The following RAP1GAP2 variants were observed in gnomAD, a reference collection of about 807,000 sequenced individuals.
RAP1GAP2 encodes RAP1 GTPase activating protein 2, also known as rap1 GTPase-activating protein 2.
Under a neutral mutation model 95.0 loss-of-function variants are expected in RAP1GAP2, and 27 were observed. That is an observed-to-expected ratio of 0.28 (90% CI 0.21 to 0.39). The LOEUF is 0.39. Ranked by LOEUF, RAP1GAP2 falls within the 10% of genes least tolerant of loss-of-function variation. The probability of loss-of-function intolerance (pLI) is 1.00; values close to 1 mark genes in which losing one functional copy is unlikely to be tolerated. For synonymous variants in RAP1GAP2, 373 were observed against 380.9 expected, an observed-to-expected ratio of 0.98 and a Z score of 0.24; for missense variants, 771 against 970.0, an observed-to-expected ratio of 0.79 and a Z score of 2.72.
At position 3,037,158 on chromosome 17, in the gene RAP1GAP2, C is replaced by T. The variant is rs1184445845; in HGVS notation, c.*3797C>T. 2.0e-5 allele frequency: 3 copies of T among 152,660 alleles called. No homozygotes were observed. Among genetic ancestry groups the T allele is most frequent in the African/African-American group, 7.2e-5 (3 of 41,444 alleles). 9.5% of individuals were successfully genotyped at this position (152,660 alleles called of 1,614,324 possible). On this transcript the variant is annotated 3_prime_UTR_variant, in exon 25 of 25. Coordinates refer to ENST00000254695, the MANE Select transcript of RAP1GAP2 (RefSeq NM_015085.5). ...CCCCAATCCCATGTCTCCCTCCCTT[C>T]AGCTGGACCGTGTGCCCCTTTGGGA...
chr17:2,837,253 G>GAAA lies in RAP1GAP2; in HGVS notation c.80+36718_80+36720dup, dbSNP rs35688344. 2.7e-5 allele frequency among the ~76,000 whole-genome samples: 3 copies of GAAA among 112,750 alleles called. No homozygotes were observed. The South Asian group carries it at 9.2e-4, about 35-fold the overall frequency. The allele number at this position is 112,750 out of a possible 152,430, so 74.0% of individuals were successfully genotyped here. A position where few individuals can be genotyped will look rare whatever the true frequency, so the allele number is the denominator to read the frequency against. On this transcript the variant is annotated intron_variant, in intron 2 of 24. Transcript: ENST00000254695. ...GTGACAGAGCAAGACTCTGTCTCTG[G>GAAA]AAAAAAAAAAAAAAAAAGCATGAAT...
intron 18 of RAP1GAP2, 45 bp downstream of exon 18, chr17:3,018,243 GC>G (rs376847636): frequency 0.026 from 39,764 of 1,521,598 alleles, 567 homozygotes; most frequent in Non-Finnish European, 0.03. Context: ...TCCCAGGGAG[GC>G]CCCCCCCAGA....
chr17:2,829,911 C>T lies in RAP1GAP2; in HGVS notation c.80+29361C>T, dbSNP rs149957466. Among the ~76,000 whole-genome samples the T allele has an allele frequency of 2.0e-5, 3 of 150,476 alleles. No homozygotes were observed. The East Asian group carries it at 5.9e-4, about 29-fold the overall frequency. On this transcript the variant is annotated intron_variant, in intron 2 of 24. Transcript: ENST00000254695. ...AAGAGATCCTTCTGCCTCAGTCTCT[C>T]GAGAGGCTGGGATTACAGTTGTGAG...
At chr17:2,981,365 A>G (rs2045350529) in intron 10 of RAP1GAP2, 117 bp downstream of exon 10, 1 of 932,466 alleles carries the variant, frequency 1.1e-6, no homozygotes, top group African/African-American at 1.7e-5. Flanking sequence ...TCTCCATAAT[A>G]AGCTTCCATG....
intron 1 of RAP1GAP2, among the ~76,000 whole-genome samples, chr17:2,769,232 TAAAAAAAAAAAAAAAAAAAAAAAA>T (rs58436827): frequency 0.05 from 2,131 of 42,916 alleles, 94 homozygotes; most frequent in South Asian, 0.094. Flanking sequence ...ACCATTTCTC[TAAAAAAAAAAAAAAAAAAAAAAAA>T]AAAAAAAAAA....
In RAP1GAP2 at chr17:2,963,610, T is replaced by C. The variant is rs1387976381; in HGVS notation, c.279+148T>C. The C allele has an allele frequency of 1.8e-6, 2 of 1,141,554 alleles. No individual in the cohort carries two copies. Among genetic ancestry groups the C allele is most frequent in the Non-Finnish European group, 2.6e-6 (2 of 776,836 alleles). The allele number at this position is 1,141,554 out of a possible 1,614,324, so 70.7% of individuals were successfully genotyped here. ...TCTTCCTGTCTTTGCCTTTGTAACCTCAGCTTCTCCATGTGTTAAGTTGGG... is the reference window on the plus strand; with the variant it reads ...TCTTCCTGTCTTTGCCTTTGTAACCCCAGCTTCTCCATGTGTTAAGTTGGG... On this transcript the variant is annotated intron_variant, in intron 6 of 24. Transcript: ENST00000254695. This position sits in a 1 kb window ranked among gnomAD's most constrained non-coding sequence, Gnocchi z 4.8.
chr17:2,941,120 G>A (rs2043479634), intron 3 of RAP1GAP2, among the ~76,000 whole-genome samples: 1 of 152,184 alleles, frequency 6.6e-6, no homozygotes, highest in African/African-American at 2.4e-5. Flanking sequence ...AGACCGCGTG[G>A]GCCGGGAACG....
chr17:2,998,263 A>G lies in RAP1GAP2; in HGVS notation c.1087A>G (p.Ile363Val), dbSNP rs746855867. ...CATTGGAAATGACATCGTGGCCATC[A>G]TCTTCCAAGAGGAAAACACGCCGTT... is the stretch of plus-strand genomic sequence containing the variant. ...RHIGNDIVAIIFQEENTPFVP... is the reference protein window; with the variant it reads ...RHIGNDIVAIVFQEENTPFVP... The change falls in exon 14 of 25, where the codon ATC (isoleucine) becomes GTC (valine). Residue 363 changes from isoleucine (I) to valine (V), a missense_variant. Physicochemically the swap from Ile to Val is conservative, Grantham distance 29. Transcript: ENST00000254695. 45 of 1,613,900 alleles carry G rather than the reference A, an allele frequency of 2.8e-5. No individual in the cohort carries two copies. The East Asian group carries it at 4.0e-4, about 14-fold the overall frequency.
At chr17:2,807,945 C>G (rs1057188154) in intron 2 of RAP1GAP2, among the ~76,000 whole-genome samples, 1 of 152,184 alleles carries the variant, frequency 6.6e-6, no homozygotes, top group African/African-American at 2.4e-5. Flanking sequence ...AGACCCTCCG[C>G]TGGCCTGCGC....
chr17:2,942,223 G>T (rs1048991513), intron 3 of RAP1GAP2, among the ~76,000 whole-genome samples: 1 of 152,104 alleles, frequency 6.6e-6, no homozygotes. Context: ...CGTGTGAGGC[G>T]TATGGAAAGT....
intron 3 of RAP1GAP2, among the ~76,000 whole-genome samples, chr17:2,929,447 G>A (rs924121427): frequency 6.6e-6 from 1 of 152,148 alleles, no homozygotes; most frequent in African/African-American, 2.4e-5. Context: ...CATCTGCAGG[G>A]TGGAAGAAGG....
chr17:2,999,351 G>C (rs1411314077), intron 14 of RAP1GAP2, among the ~76,000 whole-genome samples: 1 of 152,192 alleles, frequency 6.6e-6, no homozygotes, highest in African/African-American at 2.4e-5. Flanking sequence ...GGCAGTCTCT[G>C]ACTCCCTGCA....
chr17:2,985,150 TCCTGA>T (rs2045510782), intron 11 of RAP1GAP2, 84 bp downstream of exon 11: 3 of 1,580,542 alleles, frequency 1.9e-6, no homozygotes, highest in Non-Finnish European at 1.7e-6. Context: ...AACACAGGAG[TCCTGA>T]CCTGCGTTCT....
At chr17:2,800,301 A>C (rs1468664479) in intron 1 of RAP1GAP2, 1 of 885,542 alleles carries the variant, frequency 1.1e-6, no homozygotes, top group African/African-American at 1.8e-5. Context: ...GGAGAATAAT[A>C]ATACGCATGT....
chr17:2,761,882 AGT>A (rs948764490), intron 1 of RAP1GAP2, among the ~76,000 whole-genome samples: 4 of 148,462 alleles, frequency 2.7e-5, no homozygotes, highest in Admixed American at 6.7e-5. Context: ...CATCCTAGTG[AGT>A]GTGAAATGGT....
chr17:2,874,883 A>T (rs1437460596), intron 2 of RAP1GAP2, among the ~76,000 whole-genome samples: 1 of 152,144 alleles, frequency 6.6e-6, no homozygotes, highest in African/African-American at 2.4e-5. Flanking sequence ...TCCCTCACAC[A>T]GCCTCATACT....
chr17:2,794,047 C>T (rs554499370), upstream of RAP1GAP2, among the ~76,000 whole-genome samples: 9 of 146,414 alleles, frequency 6.1e-5, no homozygotes, highest in South Asian at 2.2e-4. Context: ...TGCAGTGAGC[C>T]GTGCCACTGC....
intron 2 of RAP1GAP2, among the ~76,000 whole-genome samples, chr17:2,834,723 C>T (rs963618469): frequency 2.0e-5 from 3 of 151,978 alleles, no homozygotes; most frequent in Non-Finnish European, 4.4e-5. Flanking sequence ...CTTGAGCCCA[C>T]GAGGTTGAGG....
At chr17:2,800,118 C>A in intron 1 of RAP1GAP2, 1 of 864,606 alleles carries the variant, frequency 1.2e-6, no homozygotes, top group Non-Finnish European at 1.4e-6. Flanking sequence ...GATTGACATC[C>A]GTGCTGACCC....
Sources: gnomAD v4.1 joint callset for allele counts (sites outside exome capture counted in the v4.1 genomes callset) on GRCh38, gnomAD v4.1.1 for gene constraint, Gnocchi (gnomAD v3.1) non-coding constraint, MANE v1.5 for transcripts, NCBI Gene and HGNC (gene_info 2026-07-23, HGNC 2026-07-21) for gene names.